The following ASS1 variants were observed in gnomAD, a reference collection of about 807,000 sequenced individuals.
The protein encoded by ASS1 is argininosuccinate synthase 1.
A neutral mutation model predicts 60.5 loss-of-function variants in ASS1; 58 were observed. The ratio of observed to expected loss-of-function variants is 0.96; its 90% CI spans 0.78 to 1.19. ASS1 has a LOEUF of 1.19. Among genes scored for constraint, ASS1 ranks in the 50% most tolerant of loss-of-function variants. ASS1 has a pLI of 0.00. For missense variants in ASS1, 454 were observed against 547.3 expected (o/e 0.83, Z 1.70); for synonymous variants, 200 against 206.9 (o/e 0.97, Z 0.29).
intron 6 of ASS1, among the ~76,000 whole-genome samples, chr9:130,469,187 G>A (rs1564908741): frequency 6.6e-6 from 1 of 152,356 alleles, no homozygotes; most frequent in East Asian, 1.9e-4. Context: ...GGACATCTCT[G>A]CTGGAGAGTC....
chr9:130,450,776 G>A (rs925462601), intron 1 of ASS1, among the ~76,000 whole-genome samples: 1 of 152,226 alleles, frequency 6.6e-6, no homozygotes, highest in East Asian at 1.9e-4. Context: ...TCAGGATAGC[G>A]ATGCCTGCAT....
At position 130,477,121 on chromosome 9, in the gene ASS1, C is replaced by T. The variant is rs116426782; in HGVS notation, c.688+160C>T. Among the ~76,000 whole-genome samples, 91 of 152,290 alleles carry T rather than the reference C, an allele frequency of 6.0e-4. No individual in the cohort carries two copies. Among genetic ancestry groups the T allele is most frequent in the African/African-American group, 2.0e-3 (82 of 41,542 alleles). The stretch of plus-strand genomic sequence containing the variant: ...TCAAGGTAACGCACAGCCCACCTCC[C>T]TGGACAGTACAACCCATGGACCATG... On this transcript the variant is annotated intron_variant, in intron 9 of 14. Transcript: ENST00000352480. This position sits in a 1 kb window ranked among gnomAD's most constrained non-coding sequence, Gnocchi z 4.2.
At position 130,464,257 on chromosome 9, in the gene ASS1, G is replaced by T. The variant is rs151077156; in HGVS notation, c.420+90G>T. On this transcript the variant is annotated intron_variant, in intron 5 of 14. Coordinates refer to ENST00000352480, the MANE Select transcript of ASS1 (RefSeq NM_054012.4). ...GCACAGGGTTCTGGGAGATTCCACA[G>T]GACAGGCACAGAATCTCCTCCGTGG... is the stretch of plus-strand genomic sequence containing the variant. 3.3e-4 allele frequency: 496 copies of T among 1,482,078 alleles called. 1 individual carries two copies. The African/African-American group carries it at 6.3e-3, about 19-fold the overall frequency. The allele number at this position is 1,482,078 out of a possible 1,614,324, so 91.8% of individuals were successfully genotyped here.
intron 7 of ASS1, among the ~76,000 whole-genome samples, chr9:130,471,111 T>G (rs1218416260): frequency 1.3e-5 from 2 of 152,084 alleles, no homozygotes; most frequent in Non-Finnish European, 2.9e-5. Context: ...GGGAGATAGA[T>G]CATGGGGACC....
intron 3 of ASS1, among the ~76,000 whole-genome samples, chr9:130,456,679 G>A (rs1175795943): frequency 6.6e-6 from 1 of 152,102 alleles, no homozygotes; most frequent in Non-Finnish European, 1.5e-5. Context: ...GCTGGGTGCG[G>A]TGGCTCACGC....
At position 130,479,675 on chromosome 9, in the gene ASS1, A is replaced by G. The variant is rs762080753; in HGVS notation, c.689-41A>G. ...GTGGCGGGTGCAGACTCCTCCGCTG[A>G]GCCGGGCCCAGAGGCCCACTGCCCT... On this transcript the variant is annotated intron_variant, in intron 9 of 14. Transcript: ENST00000352480. 3.3e-6 allele frequency: 5 copies of G among 1,525,930 alleles called. No homozygotes were observed. In the East Asian group the frequency reaches 1.1e-4, roughly 34 times the overall value. The allele number at this position is 1,525,930 out of a possible 1,614,324, so 94.5% of individuals were successfully genotyped here. A position where few individuals can be genotyped will look rare whatever the true frequency, so the allele number is the denominator to read the frequency against.
In ASS1 at chr9:130,494,779, A is replaced by C; in HGVS notation, c.971-88A>C. On this transcript the variant is annotated intron_variant, in intron 12 of 14. Coordinates refer to ENST00000352480, the MANE Select transcript of ASS1 (RefSeq NM_054012.4). The surrounding 1 kb of genome is among the most constrained non-coding windows in gnomAD (Gnocchi z 4.3). The stretch of plus-strand genomic sequence containing the variant: ...CATGGTCTGCATGGCGGGGTAAACC[A>C]TGGGGCACCCTTCCTGTGCCCCAGG... 1 of 1,536,040 alleles carries C rather than the reference A, an allele frequency of 6.5e-7. No individual in the cohort carries two copies. Among genetic ancestry groups the C allele is most frequent in the Non-Finnish European group, 9.0e-7 (1 of 1,112,966 alleles).
intron 4 of ASS1, among the ~76,000 whole-genome samples, chr9:130,461,374 C>A (rs1845588735): frequency 7.3e-6 from 1 of 137,592 alleles, no homozygotes; most frequent in Admixed American, 7.1e-5. Context: ...GGGTTTGAGG[C>A]CTTGGGGGCC....
chr9:130,457,886 C>A (rs1024111365), intron 3 of ASS1, among the ~76,000 whole-genome samples: 10 of 152,242 alleles, frequency 6.6e-5, no homozygotes, highest in Admixed American at 1.3e-4. Context: ...AGGCTGGCCG[C>A]GGTGGCTTGT....
At position 130,455,135 on chromosome 9, in the gene ASS1, TCATC is replaced by T. The variant is rs552414875; in HGVS notation, c.174+779_174+782del. 2.2e-3 allele frequency among the ~76,000 whole-genome samples: 330 copies of T among 148,114 alleles called. 2 individuals carry two copies. Among genetic ancestry groups the T allele is most frequent in the African/African-American group, 7.8e-3 (310 of 39,860 alleles). On this transcript the variant is annotated intron_variant, in intron 3 of 14. Transcript: ENST00000352480. ...CATCCATCATCCATTTATTCATCCA[TCATC>T]CATCCATCCATCCATCATTCTTCAT... is the stretch of plus-strand genomic sequence containing the variant.
intron 11 of ASS1, among the ~76,000 whole-genome samples, chr9:130,484,151 G>C (rs1008189949): frequency 2.0e-5 from 3 of 152,094 alleles, no homozygotes; most frequent in Non-Finnish European, 4.4e-5. Flanking sequence ...CCTAAGAGGG[G>C]AGCCCTTGGG....
At chr9:130,473,497 AG>A (rs1845924746) in intron 8 of ASS1, among the ~76,000 whole-genome samples, 1 of 151,696 alleles carries the variant, frequency 6.6e-6, no homozygotes, top group Admixed American at 6.6e-5. Flanking sequence ...AGGCACCCAG[AG>A]TCCCACCCAG....
Position 130,471,495 on chromosome 9 carries a change from G to A in ASS1, c.577G>A (p.Gly193Arg), listed in dbSNP as rs1311437424. 6 of 1,614,012 alleles carry A rather than the reference G, an allele frequency of 3.7e-6. No homozygotes were observed. In the African/African-American group the frequency reaches 4.0e-5, roughly 11 times the overall value. The change falls in exon 8 of 15, where the codon GGA becomes AGA. Residue 193 changes from glycine to arginine, a missense_variant. Physicochemically the swap from Gly to Arg is moderately radical, Grantham distance 125. Transcript: ENST00000352480. ...CTTTCCCCTCCGCAGCTACGAGGCT[G>A]GAATCCTGGAGAACCCCAAGGTAAT... Reference protein sequence around the residue: ...ENLMHISYEAGILENPKNQAP... With the variant: ...ENLMHISYEARILENPKNQAP...
At chr9:130,449,250 G>T (rs1260855959) in intron 1 of ASS1, among the ~76,000 whole-genome samples, 2 of 151,742 alleles carry the variant, frequency 1.3e-5, no homozygotes, top group African/African-American at 4.8e-5. Context: ...AGCTGGGATG[G>T]GAGGATCCCT....
intron 6 of ASS1, among the ~76,000 whole-genome samples, chr9:130,467,255 A>G (rs746689743): frequency 6.6e-6 from 1 of 152,210 alleles, no homozygotes; most frequent in African/African-American, 2.4e-5. Flanking sequence ...CCCCGGGAAC[A>G]GGTAGGCGCT....
At chr9:130,463,289 A>G (rs1033965141) in intron 4 of ASS1, among the ~76,000 whole-genome samples, 3 of 152,246 alleles carry the variant, frequency 2.0e-5, no homozygotes, top group Non-Finnish European at 4.4e-5. Flanking sequence ...CTCTGGGGAC[A>G]GAGCTGGGCT....
intron 6 of ASS1, among the ~76,000 whole-genome samples, chr9:130,467,249 GGGAACAGGTA>G (rs1409550899): frequency 6.6e-6 from 1 of 152,166 alleles, no homozygotes; most frequent in Non-Finnish European, 1.5e-5. Flanking sequence ...CGCTTTCCCC[GGGAACAGGTA>G]GGCGCTCCAA....
intron 12 of ASS1, among the ~76,000 whole-genome samples, chr9:130,490,606 G>T (rs1846426471): frequency 1.3e-5 from 2 of 152,156 alleles, no homozygotes; most frequent in South Asian, 4.1e-4. Context: ...GAGCCACTCT[G>T]TCTGGCCAGT....
intron 11 of ASS1, among the ~76,000 whole-genome samples, chr9:130,484,768 C>T (rs1846262914): frequency 6.6e-6 from 1 of 151,418 alleles, no homozygotes; most frequent in Middle Eastern, 3.2e-3. Context: ...ACCCCCTACC[C>T]CTGTGGAGAG....
Sources: gnomAD v4.1 joint callset for allele counts (sites outside exome capture counted in the v4.1 genomes callset) on GRCh38, gnomAD v4.1.1 for gene constraint, Gnocchi (gnomAD v3.1) non-coding constraint, MANE v1.5 for transcripts, NCBI Gene and HGNC (gene_info 2026-07-23, HGNC 2026-07-21) for gene names.